Variants in CHRM2 observed in about 807,000 individuals in gnomAD.
The protein encoded by CHRM2 is muscarinic acetylcholine receptor M2.
In CHRM2, 8 loss-of-function variants were observed where a neutral mutation model predicts 25.0. The ratio of observed to expected loss-of-function variants is 0.32; its 90% confidence interval spans 0.19 to 0.58. CHRM2 has a LOEUF of 0.58. CHRM2 is among the 20% of genes least tolerant of loss of function. CHRM2 has a pLI of 0.88. For missense variants in CHRM2, 440 were observed against 567.1 expected, an observed-to-expected ratio of 0.78 and a Z score of 2.28; for synonymous variants, 202 against 205.7, an observed-to-expected ratio of 0.98 and a Z score of 0.15.
At chr7:136,976,643 G>A (rs923940169) in intron 2 of CHRM2, among the ~76,000 whole-genome samples, 2 of 152,134 alleles carry the variant, frequency 1.3e-5, no homozygotes, top group Non-Finnish European at 2.9e-5. Flanking sequence ...CCACATAGGA[G>A]CCTATTCTCG....
intron 2 of CHRM2, among the ~76,000 whole-genome samples, chr7:136,901,203 T>C (rs959305030): frequency 6.6e-6 from 1 of 151,968 alleles, no homozygotes; most frequent in African/African-American, 2.4e-5. Flanking sequence ...ATTTCCAAGA[T>C]CCAGGCATGT....
intron 2 of CHRM2, among the ~76,000 whole-genome samples, chr7:136,983,979 C>T (rs1292726636): frequency 6.6e-6 from 1 of 152,192 alleles, no homozygotes; most frequent in African/African-American, 2.4e-5. Flanking sequence ...GCAGGGAGAT[C>T]CGCTGCTCTC....
intron 3 of CHRM2, among the ~76,000 whole-genome samples, chr7:137,007,620 G>A (rs1354920385): frequency 6.6e-6 from 1 of 152,108 alleles, no homozygotes; most frequent in African/African-American, 2.4e-5. Context: ...TTCATTTTGT[G>A]TGATGTTGTC....
At chr7:136,940,780 A>G (rs1452281320) in intron 2 of CHRM2, among the ~76,000 whole-genome samples, 1 of 152,236 alleles carries the variant, frequency 6.6e-6, no homozygotes, top group Non-Finnish European at 1.5e-5. Flanking sequence ...TTCCTTTTGC[A>G]TATGAAGAAA....
intron 2 of CHRM2, among the ~76,000 whole-genome samples, chr7:136,894,893 C>G (rs1321323375): frequency 6.6e-6 from 1 of 152,142 alleles, no homozygotes; most frequent in African/African-American, 2.4e-5. Context: ...ATAAAATTAA[C>G]AAACCGAGGC....
At chr7:136,978,061 T>A (rs1481093509) in intron 2 of CHRM2, among the ~76,000 whole-genome samples, 1 of 151,200 alleles carries the variant, frequency 6.6e-6, no homozygotes. Flanking sequence ...TGGGAACTAC[T>A]AGAGAGGGGG....
At chr7:136,892,206 T>C (rs1036065409) in intron 2 of CHRM2, among the ~76,000 whole-genome samples, 3 of 152,238 alleles carry the variant, frequency 2.0e-5, no homozygotes, top group African/African-American at 2.4e-5. Context: ...TTCTTGACAG[T>C]TGGTGAATTG....
At chr7:136,998,481 C>G (rs559210767) in intron 3 of CHRM2, among the ~76,000 whole-genome samples, 4 of 152,168 alleles carry the variant, frequency 2.6e-5, no homozygotes, top group Non-Finnish European at 5.9e-5. Context: ...ACCTCTCAGT[C>G]AGCATCATAT....
chr7:136,916,200 C>T (rs1480294345), intron 2 of CHRM2, among the ~76,000 whole-genome samples: 1 of 151,774 alleles, frequency 6.6e-6, no homozygotes, highest in South Asian at 2.1e-4. Context: ...ATAAGTGTAT[C>T]AATTAAACGC....
At chr7:136,896,367 C>T (rs754746354) in intron 2 of CHRM2, among the ~76,000 whole-genome samples, 4 of 152,038 alleles carry the variant, frequency 2.6e-5, no homozygotes, top group Non-Finnish European at 5.9e-5. Context: ...TCCTGAATTC[C>T]CAGGGGTCTA....
At chr7:136,941,988 A>G (rs1799799750) in intron 2 of CHRM2, among the ~76,000 whole-genome samples, 1 of 152,090 alleles carries the variant, frequency 6.6e-6, no homozygotes, top group Non-Finnish European at 1.5e-5. Context: ...GGAACTTTCT[A>G]TCTTTTAGAT....
chr7:136,908,946 T>C (rs1234972626), intron 2 of CHRM2, among the ~76,000 whole-genome samples: 2 of 151,950 alleles, frequency 1.3e-5, no homozygotes, highest in Non-Finnish European at 2.9e-5. Context: ...CAATCACTAA[T>C]ATTGGCATTG....
At chr7:136,989,653 G>C (rs1332557655) in intron 2 of CHRM2, among the ~76,000 whole-genome samples, 1 of 152,002 alleles carries the variant, frequency 6.6e-6, no homozygotes. Context: ...TTAAAACCTA[G>C]CATGTCTTCT....
chr7:137,016,307 G>T lies in CHRM2; in HGVS notation c.*41G>T. 2 of 1,586,626 alleles carry T rather than the reference G, an allele frequency of 1.3e-6. No individual in the cohort carries two copies. The highest frequency in any genetic ancestry group is 1.1e-5 in the South Asian group (1 of 90,252). Reference sequence around the variant, plus strand: ...GATAGAAGGTGGGCAAGGGGAGCTTGAGAAGAATAAAAGGGATAAACGAGC... The same window carrying T: ...GATAGAAGGTGGGCAAGGGGAGCTTTAGAAGAATAAAAGGGATAAACGAGC... On this transcript the variant is annotated 3_prime_UTR_variant, in exon 4 of 4. Transcript: ENST00000680005.
chr7:137,013,539 T>C (rs1804964890), intron 3 of CHRM2, among the ~76,000 whole-genome samples: 1 of 151,990 alleles, frequency 6.6e-6, no homozygotes, highest in Admixed American at 6.6e-5. Context: ...AGGTGGAACT[T>C]GGGCTAGTTT....
intron 3 of CHRM2, among the ~76,000 whole-genome samples, chr7:137,005,663 G>C (rs2131086446): frequency 6.6e-6 from 1 of 152,134 alleles, no homozygotes; most frequent in African/African-American, 2.4e-5. Flanking sequence ...TGGGCACATA[G>C]ACCATTGAAA....
At chr7:136,998,479 G>C (rs1803757534) in intron 3 of CHRM2, among the ~76,000 whole-genome samples, 1 of 152,160 alleles carries the variant, frequency 6.6e-6, no homozygotes, top group South Asian at 2.1e-4. Context: ...TGACCTCTCA[G>C]TCAGCATCAT....
chr7:136,980,849 T>C (rs1263643379), intron 2 of CHRM2, among the ~76,000 whole-genome samples: 1 of 152,194 alleles, frequency 6.6e-6, no homozygotes. Context: ...TTTGCCAGTA[T>C]TTTACTGAGG....
rs1237014805 is a variant in CHRM2, at chr7:137,015,978, G to A, written c.1113G>A (p.Gln371=). ...VARKIVKMTK[Q]PAKKKPPPSR... ...GCAAGATTGTGAAGATGACTAAGCAGCCTGCAAAAAAGAAGCCTCCTCCTT... is the reference window on the plus strand; with the variant it reads ...GCAAGATTGTGAAGATGACTAAGCAACCTGCAAAAAAGAAGCCTCCTCCTT... The change falls in exon 4 of 4, where the codon CAG becomes CAA. Residue 371 remains glutamine (Q), a synonymous_variant. Coordinates refer to ENST00000680005, the MANE Select transcript of CHRM2 (RefSeq NM_001006630.2). The surrounding 1 kb of genome is among the most constrained non-coding windows in gnomAD (Gnocchi z 5.1). 6.2e-7 allele frequency: 1 copy of A among 1,613,004 alleles called. No homozygotes were observed. The highest frequency in any genetic ancestry group is 1.3e-5 in the African/African-American group (1 of 74,814).
Sources: gnomAD v4.1 joint callset for allele counts (sites outside exome capture counted in the v4.1 genomes callset) on GRCh38, gnomAD v4.1.1 for gene constraint, Gnocchi (gnomAD v3.1) non-coding constraint, MANE v1.5 for transcripts, NCBI Gene and HGNC (gene_info 2026-07-23, HGNC 2026-07-21) for gene names.